The following RGS21 variants were observed in gnomAD, a reference collection of about 807,000 sequenced individuals.
The protein encoded by RGS21 is regulator of G-protein signalling 21.
Under a neutral mutation model 18.7 loss-of-function variants are expected in RGS21, and 19 were observed. That is an observed-to-expected ratio of 1.01 (90% CI 0.71 to 1.49). RGS21 has a LOEUF of 1.49. Ranked by LOEUF, RGS21 falls within the 40% of genes most tolerant of loss-of-function variation. The probability of loss-of-function intolerance (pLI) is 0.00; values close to 1 mark genes in which losing one functional copy is unlikely to be tolerated. For missense variants in RGS21, 194 were observed against 176.8 expected (o/e 1.10, Z -0.55); for synonymous variants, 56 against 57.8 (o/e 0.97, Z 0.14).
At chr1:192,351,676 CATATA>C (rs1280389993) in intron 3 of RGS21, among the ~76,000 whole-genome samples, 1 of 147,204 alleles carries the variant, frequency 6.8e-6, no homozygotes, top group African/African-American at 2.5e-5. Context: ...ATATATAACA[CATATA>C]ATATATATGC....
intron 1 of RGS21, among the ~76,000 whole-genome samples, chr1:192,333,552 C>G: frequency 6.9e-6 from 1 of 144,112 alleles, no homozygotes; most frequent in East Asian, 2.1e-4. Flanking sequence ...CACAAGAACA[C>G]TATGCTGATT....
chr1:192,347,566 G>A (rs1658970961), intron 3 of RGS21, among the ~76,000 whole-genome samples, 177 bp downstream of exon 3: 1 of 132,470 alleles, frequency 7.5e-6, no homozygotes, highest in Non-Finnish European at 1.6e-5. Flanking sequence ...GCTAAAATAA[G>A]TTTATAGGTT....
At chr1:192,322,400 A>T (rs755171491) in intron 1 of RGS21, among the ~76,000 whole-genome samples, 1 of 152,108 alleles carries the variant, frequency 6.6e-6, no homozygotes, top group South Asian at 2.1e-4. Flanking sequence ...AAATTTACAA[A>T]TTCACAGTTC....
chr1:192,320,586 A>T (rs1658482893), intron 1 of RGS21, among the ~76,000 whole-genome samples: 1 of 131,020 alleles, frequency 7.6e-6, no homozygotes, highest in Admixed American at 7.7e-5. Flanking sequence ...ATGTGTTGTA[A>T]TAACCTCTCC....
At chr1:192,332,665 G>T (rs112372071) in intron 1 of RGS21, among the ~76,000 whole-genome samples, 4 of 152,232 alleles carry the variant, frequency 2.6e-5, no homozygotes, top group South Asian at 2.1e-4. Flanking sequence ...GAATGAAAAG[G>T]CAAACCACAT....
rs78780982 is a variant in RGS21, at chr1:192,318,119, C to T, written c.-61+1014C>T. Among the ~76,000 whole-genome samples, 16 of 151,950 alleles carry T rather than the reference C, an allele frequency of 1.1e-4. No individual in the cohort carries two copies. The East Asian group carries it at 3.1e-3, about 29-fold the overall frequency. ...TATTAATATATTCATCGTATAATTGCCTTTTTAAGAAATCAATATCCTGTT... is the reference window on the plus strand; with the variant it reads ...TATTAATATATTCATCGTATAATTGTCTTTTTAAGAAATCAATATCCTGTT... On this transcript the variant is annotated intron_variant, in intron 1 of 4. Coordinates refer to ENST00000417209, the MANE Select transcript of RGS21 (RefSeq NM_001039152.3).
chr1:192,334,644 G>C (rs1658739174), intron 1 of RGS21, among the ~76,000 whole-genome samples: 1 of 152,080 alleles, frequency 6.6e-6, no homozygotes, highest in Admixed American at 6.5e-5. Context: ...GAAGAGAAAA[G>C]AGCTATTGGA....
At chr1:192,355,574 G>A (rs1571462015) in intron 4 of RGS21, among the ~76,000 whole-genome samples, 1 of 151,280 alleles carries the variant, frequency 6.6e-6, no homozygotes, top group African/African-American at 2.4e-5. Context: ...TTGACTAAGT[G>A]ACTTGAAAAT....
chr1:192,317,463 T>C (rs773929097), intron 1 of RGS21, among the ~76,000 whole-genome samples: 6 of 151,574 alleles, frequency 4.0e-5, no homozygotes, highest in South Asian at 2.1e-4. Context: ...AAAAAATCTA[T>C]CTCATACTTT....
At position 192,359,795 on chromosome 1, in the gene RGS21, T is replaced by C. The variant is rs904941070; in HGVS notation, c.256-6126T>C. Among the ~76,000 whole-genome samples the C allele has an allele frequency of 6.0e-5, 9 of 150,034 alleles. No individual in the cohort carries two copies. The South Asian group carries it at 6.3e-4, about 10-fold the overall frequency. Reference sequence around the variant, plus strand: ...CTCTCTCTCTCTCTATATATATATATACACATAGTAAGTTATATACATTAT... The same window carrying C: ...CTCTCTCTCTCTCTATATATATATACACACATAGTAAGTTATATACATTAT... On this transcript the variant is annotated intron_variant, in intron 4 of 4. Coordinates refer to ENST00000417209, the MANE Select transcript of RGS21 (RefSeq NM_001039152.3).
chr1:192,337,172 A>G (rs542705343), intron 1 of RGS21, among the ~76,000 whole-genome samples: 9 of 152,146 alleles, frequency 5.9e-5, no homozygotes, highest in African/African-American at 2.2e-4. Flanking sequence ...ATTTTTTATT[A>G]GGCATCAGTG....
chr1:192,320,479 G>T (rs932682468), intron 1 of RGS21, among the ~76,000 whole-genome samples: 13 of 142,026 alleles, frequency 9.2e-5, no homozygotes, highest in African/African-American at 3.4e-4. Context: ...CTCTAGCACA[G>T]ACCATGTAAA....
At chr1:192,354,763 G>T (rs1659089444) in intron 4 of RGS21, among the ~76,000 whole-genome samples, 1 of 151,044 alleles carries the variant, frequency 6.6e-6, no homozygotes, top group South Asian at 2.1e-4. Flanking sequence ...AGAACAACAA[G>T]GTCATATTAC....
chr1:192,342,057 G>A (rs1446316868), intron 1 of RGS21, among the ~76,000 whole-genome samples: 1 of 151,906 alleles, frequency 6.6e-6, no homozygotes, highest in African/African-American at 2.4e-5. Flanking sequence ...CAGGGCCACT[G>A]ATACTAACCA....
At position 192,352,157 on chromosome 1, in the gene RGS21, G is replaced by T. The variant is rs551439863; in HGVS notation, c.199G>T (p.Ala67Ser). 1.9e-6 allele frequency: 3 copies of T among 1,610,850 alleles called. No individual in the cohort carries two copies. Among genetic ancestry groups the T allele is most frequent in the Non-Finnish European group, 1.7e-6 (2 of 1,178,526 alleles). The change falls in exon 4 of 5, where the codon GCT (alanine) becomes TCT (serine). Residue 67 changes from alanine (A) to serine (S), a missense_variant. Coordinates refer to ENST00000417209, the MANE Select transcript of RGS21 (RefSeq NM_001039152.3). ...FKKTKNADKIASKAKMIYSEF... is the reference protein window; with the variant it reads ...FKKTKNADKISSKAKMIYSEF... ...GAAAACGAAAAATGCAGACAAAATT[G>T]CTTCCAAAGCCAAGATGATTTATTC... is the stretch of plus-strand genomic sequence containing the variant.
chr1:192,323,646 G>C (rs1172008374), intron 1 of RGS21, among the ~76,000 whole-genome samples: 1 of 152,100 alleles, frequency 6.6e-6, no homozygotes, highest in African/African-American at 2.4e-5. Flanking sequence ...TGAGCATATA[G>C]ATGCTTAGAC....
chr1:192,325,666 T>C (rs1464631633), intron 1 of RGS21, among the ~76,000 whole-genome samples: 2 of 152,136 alleles, frequency 1.3e-5, no homozygotes, highest in Non-Finnish European at 2.9e-5. Context: ...TGAGATGGCA[T>C]CTCATAGTGG....
chr1:192,350,683 C>T (rs1659028539), intron 3 of RGS21, among the ~76,000 whole-genome samples: 1 of 152,132 alleles, frequency 6.6e-6, no homozygotes, highest in Non-Finnish European at 1.5e-5. Flanking sequence ...AGACAGCCAG[C>T]GAAAGGGTGC....
intron 4 of RGS21, among the ~76,000 whole-genome samples, chr1:192,364,865 G>GCT (rs1659232323): frequency 6.6e-6 from 1 of 152,054 alleles, no homozygotes; most frequent in Non-Finnish European, 1.5e-5. Flanking sequence ...AGGTACGGTG[G>GCT]CTCATCCCTA....
Sources: allele counts gnomAD v4.1 joint callset (sites outside exome capture counted in the v4.1 genomes callset), GRCh38; gene constraint gnomAD v4.1.1; transcripts MANE v1.5; gene names NCBI Gene and HGNC (gene_info 2026-07-23, HGNC 2026-07-21).